The following C11orf65 variants were observed in gnomAD, a reference collection of about 807,000 sequenced individuals.
The protein encoded by C11orf65 is protein MFI.
C11orf65 carries 38 observed loss-of-function variants against 35.3 expected under a neutral mutation model. That is an observed-to-expected ratio of 1.08 (90% confidence interval 0.83 to 1.41). The LOEUF is 1.41. C11orf65 is among the 40% of genes most tolerant of loss of function. The pLI, the probability that C11orf65 is intolerant of heterozygous loss-of-function variation, is 0.00. For missense variants in C11orf65, 370 were observed against 367.1 expected (o/e 1.01, Z -0.06); for synonymous variants, 105 against 114.4 (o/e 0.92, Z 0.53).
intron 3 of C11orf65, among the ~76,000 whole-genome samples, chr11:108,428,844 C>T (rs901370539): frequency 3.9e-5 from 6 of 151,982 alleles, no homozygotes; most frequent in African/African-American, 9.7e-5. Flanking sequence ...TACCAAAAAA[C>T]GAAACAAAAC....
At chr11:108,391,923 C>CT (rs1048870297) in intron 7 of C11orf65, among the ~76,000 whole-genome samples, 6 of 151,218 alleles carry the variant, frequency 4.0e-5, no homozygotes, top group South Asian at 2.1e-4. Context: ...TAATTTCTTT[C>CT]TTTTTTTTTA....
chr11:108,396,936 A>G (rs1298327422), intron 6 of C11orf65, among the ~76,000 whole-genome samples: 1 of 151,944 alleles, frequency 6.6e-6, no homozygotes, highest in East Asian at 1.9e-4. Flanking sequence ...ACAGGTTTGC[A>G]AGTAGAAAGT....
downstream of C11orf65, chr11:108,327,571 C>T: frequency 8.1e-7 from 1 of 1,237,676 alleles, no homozygotes; most frequent in Non-Finnish European, 1.2e-6. Context: ...CTGCTTTTTT[C>T]CCCGTACATG....
At chr11:108,416,669 G>A (rs992978688) in intron 3 of C11orf65, among the ~76,000 whole-genome samples, 11 of 151,966 alleles carry the variant, frequency 7.2e-5, no homozygotes, top group Admixed American at 2.6e-4. Flanking sequence ...CAGAAACTCC[G>A]TGTCAAAACA....
intron 2 of C11orf65, among the ~76,000 whole-genome samples, chr11:108,456,339 T>G (rs1278636742): frequency 6.6e-6 from 1 of 152,158 alleles, no homozygotes; most frequent in African/African-American, 2.4e-5. Flanking sequence ...TTTGTACCTC[T>G]AAGTATACAC....
chr11:108,445,780 T>C (rs989645747), intron 2 of C11orf65, among the ~76,000 whole-genome samples: 3 of 152,118 alleles, frequency 2.0e-5, no homozygotes, highest in Non-Finnish European at 4.4e-5. Flanking sequence ...GAGAATGACT[T>C]TGACGAGCTG....
chr11:108,430,706 G>A (rs530026480), intron 3 of C11orf65, among the ~76,000 whole-genome samples: 6 of 151,778 alleles, frequency 4.0e-5, no homozygotes, highest in Non-Finnish European at 7.4e-5. Context: ...TTAGCTGGAC[G>A]CGGTGGCATG....
rs1202439616 is a variant in C11orf65 at position 108,368,282 on chromosome 11, C to G, written c.226+24926G>C. ...CCAGCCTTGGCGACAGAGCAAGACT[C>G]TGCCTCAAAAAAAAAAAAAAAAAGG... On this transcript the variant is annotated intron_variant, in intron 2 of 3. Transcript: ENST00000524755. 3.5e-5 allele frequency: 7 copies of G among 199,856 alleles called. No individual in the cohort carries two copies. In the Admixed American group the frequency reaches 4.4e-4, roughly 12 times the overall value. 12.4% of individuals were successfully genotyped at this position (199,856 alleles called of 1,614,324 possible). A position where few individuals can be genotyped will look rare whatever the true frequency, so the allele number is the denominator to read the frequency against.
intron 2 of C11orf65, among the ~76,000 whole-genome samples, chr11:108,433,751 T>C (rs922317269): frequency 7.3e-5 from 11 of 151,388 alleles, no homozygotes; most frequent in Non-Finnish European, 1.5e-4. Flanking sequence ...CCTAAGGGGG[T>C]CAAGTAAAAG....
chr11:108,427,546 C>A (rs1208767315), intron 3 of C11orf65, among the ~76,000 whole-genome samples: 1 of 150,114 alleles, frequency 6.7e-6, no homozygotes, highest in Non-Finnish European at 1.5e-5. Flanking sequence ...GGTGAAACCC[C>A]GTCTCTACTA....
At chr11:108,363,431 T>C (rs928593305) in intron 2 of C11orf65, among the ~76,000 whole-genome samples, 1 of 152,232 alleles carries the variant, frequency 6.6e-6, no homozygotes, top group Non-Finnish European at 1.5e-5. Context: ...TTATGTGTTA[T>C]GCTAAGGAAA....
At chr11:108,312,269 A>G (rs2084229871) in intron 6 of C11orf65, 4 of 657,762 alleles carry the variant, frequency 6.1e-6, no homozygotes, top group Non-Finnish European at 8.3e-6. Flanking sequence ...TATAAATGGT[A>G]TTATGTTTTA....
chr11:108,338,681 G>T (rs7927843), intron 2 of C11orf65, among the ~76,000 whole-genome samples: 1 of 151,856 alleles, frequency 6.6e-6, no homozygotes, highest in Admixed American at 6.6e-5. Flanking sequence ...GGGTTGGGGG[G>T]TAACCCAGAT....
chr11:108,465,397 T>C (rs2093522727), intron 1 of C11orf65, among the ~76,000 whole-genome samples: 2 of 152,194 alleles, frequency 1.3e-5, no homozygotes, highest in South Asian at 4.1e-4. Context: ...AATTATCTGA[T>C]TCAGAAATAA....
intron 6 of C11orf65, among the ~76,000 whole-genome samples, chr11:108,396,834 A>AAAATAAATAAATAAATAAAT (rs370728924): frequency 2.2e-5 from 3 of 137,396 alleles, no homozygotes; most frequent in African/African-American, 8.1e-5. Flanking sequence ...ACTCCGTCTT[A>AAAATAAATAAATAAATAAAT]AAATAAATAA....
rs1591100144 is a variant in C11orf65, at chr11:108,319,999, T to C, written c.641-10928A>G. On this transcript the variant is annotated intron_variant, in intron 6 of 6. Coordinates refer to the C11orf65 transcript ENST00000525729. Reference sequence around the variant, plus strand: ...GTTACCATGAATCATTGTACAATGCTCTACAATCTCTAAGAGACAGAGAAT... The same window carrying C: ...GTTACCATGAATCATTGTACAATGCCCTACAATCTCTAAGAGACAGAGAAT... 1 of 1,612,870 alleles carries C rather than the reference T, an allele frequency of 6.2e-7. No homozygotes were observed. The highest frequency in any genetic ancestry group is 8.5e-7 in the Non-Finnish European group (1 of 1,178,992).
chr11:108,388,264 A>C (rs1210339182), intron 7 of C11orf65, among the ~76,000 whole-genome samples: 2 of 152,200 alleles, frequency 1.3e-5, no homozygotes, highest in African/African-American at 2.4e-5. Context: ...CATGACTTTT[A>C]TTCCATTATT....
chr11:108,409,368 T>A (rs2092614889), intron 3 of C11orf65, among the ~76,000 whole-genome samples: 1 of 152,116 alleles, frequency 6.6e-6, no homozygotes, highest in Non-Finnish European at 1.5e-5. Context: ...TACCCAGGAA[T>A]GAAATATGAG....
At position 108,428,109 on chromosome 11, in the gene C11orf65, G is replaced by A. The variant is rs528794419; in HGVS notation, c.174+3637C>T. 1.6e-4 allele frequency among the ~76,000 whole-genome samples: 24 copies of A among 151,942 alleles called. No individual in the cohort carries two copies. In the South Asian group the frequency reaches 3.5e-3, roughly 22 times the overall value. On this transcript the variant is annotated intron_variant, in intron 3 of 8. Transcript: ENST00000393084. ...CTCCCAAAGTGCTGGGATTACAGGCGTGAGCCACCGCGCCCACCCAGAATG... is the reference window on the plus strand; with the variant it reads ...CTCCCAAAGTGCTGGGATTACAGGCATGAGCCACCGCGCCCACCCAGAATG...
Sources: allele counts gnomAD v4.1 joint callset (sites outside exome capture counted in the v4.1 genomes callset), GRCh38; gene constraint gnomAD v4.1.1; transcripts MANE v1.5; gene names NCBI Gene and HGNC (gene_info 2026-07-23, HGNC 2026-07-21).